The following ABCC12 variants were observed in gnomAD, a reference collection of about 807,000 sequenced individuals.
ABCC12 encodes ATP binding cassette subfamily C member 12.
ABCC12 carries 142 observed loss-of-function variants against 151.1 expected under a neutral mutation model. The ratio of observed to expected loss-of-function variants is 0.94; its 90% CI spans 0.82 to 1.08. ABCC12 has a LOEUF of 1.08. Among genes scored for constraint, ABCC12 ranks in the 50% least tolerant of loss-of-function variants. ABCC12 has a pLI of 0.00. For missense variants in ABCC12, 1,638 were observed against 1,691.1 expected (o/e 0.97, Z 0.55); for synonymous variants, 645 against 646.4 (o/e 1.00, Z 0.03).
chr16:48,096,158 A>G (rs1963086625), intron 24 of ABCC12, among the ~76,000 whole-genome samples: 1 of 152,114 alleles, frequency 6.6e-6, no homozygotes, highest in South Asian at 2.1e-4. Flanking sequence ...TATTCAAAAG[A>G]AAAAAAAGCA....
chr16:48,128,474 G>A lies in ABCC12; in HGVS notation c.1500C>T (p.Ser500=). Residue 500 remains serine (S), a synonymous_variant, in exon 11 of 31, where the codon AGC becomes AGT. Transcript: ENST00000311303. ...DSLKSVLHSI[S]FVVRKGKILG... ...ACACACCCACCTTTCTCACCACAAA[G>A]CTTATGCTGTGCAGAACCGATTTGA... 6.2e-7 allele frequency: 1 copy of A among 1,614,244 alleles called. No homozygotes were observed. Among genetic ancestry groups the A allele is most frequent in the Middle Eastern group, 1.7e-4 (1 of 6,060 alleles).
chr16:48,139,305 G>T lies in ABCC12; in HGVS notation c.689C>A (p.Ser230Tyr). 6.2e-7 allele frequency: 1 copy of T among 1,613,342 alleles called. No homozygotes were observed. Among genetic ancestry groups the T allele is most frequent in the Non-Finnish European group, 8.5e-7 (1 of 1,179,854 alleles). The change falls in exon 7 of 31, where the codon TCT becomes TAT. Residue 230 changes from serine (S) to tyrosine (Y), a missense_variant. Transcript: ENST00000311303. ...VLNILSSDSYSLFEAALFCPL... is the reference protein window; with the variant it reads ...VLNILSSDSYYLFEAALFCPL... ...ACAAAACAAGGCAGCTTCAAACAAAGAATAGCTATCACTTGACAGTATATT... is the reference window on the plus strand; with the variant it reads ...ACAAAACAAGGCAGCTTCAAACAAATAATAGCTATCACTTGACAGTATATT...
intron 8 of ABCC12, 107 bp downstream of exon 8, chr16:48,138,121 C>T: frequency 8.0e-7 from 1 of 1,251,762 alleles, no homozygotes; most frequent in Non-Finnish European, 1.1e-6. Context: ...CTCAGAGGGT[C>T]CCCTCAGCCT....
chr16:48,138,278 C>A lies in ABCC12; in HGVS notation c.929G>T (p.Arg310Met). ...CTCCCAGGCATACATTTTGATCAGC[C>A]TGATGCAGGTCAGAAACTCATTCAT... ...QTMNEFLTCI[R>M]LIKMYAWEKS... is the part of the protein sequence containing the mutation. The change falls in exon 8 of 31, where the codon AGG becomes ATG. Residue 310 changes from arginine to methionine, a missense_variant. Coordinates refer to ENST00000311303, the MANE Select transcript of ABCC12 (RefSeq NM_001393797.1). 6.2e-7 allele frequency: 1 copy of A among 1,613,766 alleles called. No individual in the cohort carries two copies. The highest frequency in any genetic ancestry group is 8.5e-7 in the Non-Finnish European group (1 of 1,179,714).
chr16:48,128,523 C>T lies in ABCC12; in HGVS notation c.1451G>A (p.Gly484Asp). The T allele has an allele frequency of 6.2e-7, 1 of 1,614,248 alleles. No homozygotes were observed. Among genetic ancestry groups the T allele is most frequent in the Admixed American group, 1.7e-5 (1 of 60,030 alleles). Residue 484 changes from glycine (G) to aspartate (D), a missense_variant, in exon 11 of 31, where the codon GGC becomes GAC. Gly to Asp is a moderately conservative substitution (Grantham distance 94). Coordinates refer to ENST00000311303, the MANE Select transcript of ABCC12 (RefSeq NM_001393797.1). ...GAGGCTGTCACTTTGCTCCTCTGGG[C>T]CAGTGGCTCCCTTGGCTGGTGGACT... ...ERSPPAKGAT[G>D]PEEQSDSLKS...
chr16:48,088,871 C>T, intron 25 of ABCC12, 137 bp from the exon 26 acceptor site: 2 of 730,036 alleles, frequency 2.7e-6, no homozygotes, highest in Non-Finnish European at 4.2e-6. Flanking sequence ...ACCCTTAATT[C>T]TAGAAACTCA....
At position 48,117,291 on chromosome 16, in the gene ABCC12, C is replaced by T. The variant is rs1301541930; in HGVS notation, c.1755G>A (p.Leu585=). The part of the protein sequence containing the change: ...TVRVCGLQKD[L]SNLPYGDLTE... ...TCAGGTCTCCATAGGGGAGGTTGCT[C>T]AGGTCCTTCTGGAGGCCACAGACGC... The change falls in exon 14 of 31, where the codon CTG becomes CTA. Residue 585 remains leucine (L), a synonymous_variant. Coordinates refer to ENST00000311303, the MANE Select transcript of ABCC12 (RefSeq NM_001393797.1). 7 of 1,613,782 alleles carry T rather than the reference C, an allele frequency of 4.3e-6. No homozygotes were observed. The highest frequency in any genetic ancestry group is 5.9e-6 in the Non-Finnish European group (7 of 1,179,934).
chr16:48,126,546 A>G (rs963688916), intron 11 of ABCC12, among the ~76,000 whole-genome samples: 5 of 152,256 alleles, frequency 3.3e-5, no homozygotes, highest in Non-Finnish European at 7.3e-5. Flanking sequence ...GAAAAAGGCA[A>G]CAATCATACC....
At chr16:48,090,952 C>T (rs370865374) in intron 25 of ABCC12, among the ~76,000 whole-genome samples, 168 bp downstream of exon 25, 2 of 152,330 alleles carry the variant, frequency 1.3e-5, no homozygotes, top group African/African-American at 4.8e-5. Flanking sequence ...CTCAGGTGAT[C>T]TGCCCGCCTC....
intron 25 of ABCC12, among the ~76,000 whole-genome samples, chr16:48,089,717 G>C (rs1962797734): frequency 6.6e-6 from 1 of 152,190 alleles, no homozygotes; most frequent in Middle Eastern, 3.2e-3. Flanking sequence ...AAATATTTTA[G>C]AGAAATGAAA....
At chr16:48,128,058 G>A (rs924979136) in intron 11 of ABCC12, among the ~76,000 whole-genome samples, 15 of 152,102 alleles carry the variant, frequency 9.9e-5, no homozygotes, top group Admixed American at 1.3e-4. Context: ...GTTTGAGGCC[G>A]CAGTGAGTTC....
intron 2 of ABCC12, among the ~76,000 whole-genome samples, chr16:48,151,132 C>T (rs191522593): frequency 1.8e-4 from 28 of 152,312 alleles, no homozygotes; most frequent in African/African-American, 5.1e-4. Flanking sequence ...GCACACATCA[C>T]CTCAGCCAGG....
Position 48,139,272 on chromosome 16 carries a change from G to A in ABCC12, c.722C>T (p.Pro241Leu), listed in dbSNP as rs760681021. 3.1e-6 allele frequency: 5 copies of A among 1,613,938 alleles called. No individual in the cohort carries two copies. The highest frequency in any genetic ancestry group is 1.3e-5 in the African/African-American group (1 of 74,918). Residue 241 changes from proline to leucine, a missense_variant, in exon 7 of 31, where the codon CCA (proline) becomes CTA (leucine). By Grantham distance (98) the Pro-to-Leu change is moderately conservative. Coordinates refer to ENST00000311303, the MANE Select transcript of ABCC12 (RefSeq NM_001393797.1). ...LFEAALFCPL[P>L]ATIPILMVFC... is the part of the protein sequence containing the mutation. Reference sequence around the variant, plus strand: ...GACCATTAGGATCGGGATGGTGGCTGGCAAAGGACAAAACAAGGCAGCTTC... The same window carrying A: ...GACCATTAGGATCGGGATGGTGGCTAGCAAAGGACAAAACAAGGCAGCTTC...
At chr16:48,130,126 A>T (rs1324782889) in intron 10 of ABCC12, among the ~76,000 whole-genome samples, 2 of 152,194 alleles carry the variant, frequency 1.3e-5, no homozygotes, top group Non-Finnish European at 2.9e-5. Context: ...ATGTTTGAAC[A>T]AGCTTTCGTG....
chr16:48,139,780 G>A (rs1242080642), intron 6 of ABCC12, among the ~76,000 whole-genome samples: 1 of 152,190 alleles, frequency 6.6e-6, no homozygotes, highest in Non-Finnish European at 1.5e-5. Context: ...TGTAGAATGG[G>A]ACATTTGTGA....
At chr16:48,104,589 A>G (rs1328558206) in intron 21 of ABCC12, among the ~76,000 whole-genome samples, 2 of 152,166 alleles carry the variant, frequency 1.3e-5, no homozygotes, top group Non-Finnish European at 2.9e-5. Flanking sequence ...AAGTCCCGAG[A>G]GACCCCCTAT....
rs757721002 is a variant in ABCC12, at chr16:48,104,323, T to C, written c.2719A>G (p.Arg907Gly). ...MSFFDTTPTG[R>G]LMNRFSKDMD... ...TCCTTGGAAAAACGGTTCATTAGCC[T>C]GCCAGTGGGAGTCGTGTCAAAGAAA... Residue 907 changes from arginine to glycine, a missense_variant, in exon 22 of 31, where the codon AGG (arginine) becomes GGG (glycine). Physicochemically the swap from Arg to Gly is moderately radical, Grantham distance 125. Transcript: ENST00000311303. 6.2e-7 allele frequency: 1 copy of C among 1,614,258 alleles called. No homozygotes were observed. Among genetic ancestry groups the C allele is most frequent in the Admixed American group, 1.7e-5 (1 of 60,034 alleles).
At chr16:48,107,934 A>T (rs1193294549) in intron 19 of ABCC12, among the ~76,000 whole-genome samples, 1 of 151,918 alleles carries the variant, frequency 6.6e-6, no homozygotes, top group Non-Finnish European at 1.5e-5. Context: ...CCTGGGAGGC[A>T]GAGGTTGGAG....
At chr16:48,084,204 T>C in intron 29 of ABCC12, 131 bp from the exon 30 acceptor site, 1 of 922,994 alleles carries the variant, frequency 1.1e-6, no homozygotes, top group Non-Finnish European at 1.6e-6. Context: ...TAGCTAAACA[T>C]CCATCTCAAA....
Sources: gnomAD v4.1 joint callset for allele counts (sites outside exome capture counted in the v4.1 genomes callset) on GRCh38, gnomAD v4.1.1 for gene constraint, MANE v1.5 for transcripts, NCBI Gene and HGNC (gene_info 2026-07-23, HGNC 2026-07-21) for gene names.